NFAT5: variants seen among roughly 807,000 people sequenced by gnomAD.
NFAT5 encodes the protein nuclear factor of activated T cells 5.
NFAT5 carries 31 observed loss-of-function variants against 166.5 expected under a neutral mutation model. The ratio of observed to expected loss-of-function variants is 0.19; its 90% CI spans 0.14 to 0.25. NFAT5 has a LOEUF of 0.25. NFAT5 is among the 10% of genes least tolerant of loss of function. The pLI, the probability that NFAT5 is intolerant of heterozygous loss-of-function variation, is 1.00. For synonymous variants in NFAT5, 612 were observed against 639.7 expected, an observed-to-expected ratio of 0.96 and a Z score of 0.65; for missense variants, 1,449 against 1,821.8, an observed-to-expected ratio of 0.80 and a Z score of 3.72.
chr16:69,671,193 A>G (rs1248903576), intron 9 of NFAT5, among the ~76,000 whole-genome samples: 1 of 152,212 alleles, frequency 6.6e-6, no homozygotes, highest in Non-Finnish European at 1.5e-5. Flanking sequence ...GACTGTTGCC[A>G]CTTCATACAC....
chr16:69,655,935 A>T, intron 6 of NFAT5, 136 bp downstream of exon 6: 1 of 643,090 alleles, frequency 1.6e-6, no homozygotes, highest in Non-Finnish European at 2.5e-6. Flanking sequence ...AAAAGACATT[A>T]CTTCAGAATG....
At chr16:69,591,214 G>C (rs1233596790) in intron 2 of NFAT5, among the ~76,000 whole-genome samples, 1 of 152,166 alleles carries the variant, frequency 6.6e-6, no homozygotes, top group East Asian at 1.9e-4. Context: ...TTACAGGCAT[G>C]AGCCACTGTG....
At chr16:69,604,896 G>A (rs1042644639) in intron 2 of NFAT5, among the ~76,000 whole-genome samples, 2 of 152,094 alleles carry the variant, frequency 1.3e-5, no homozygotes, top group African/African-American at 4.8e-5. Context: ...TTATTCTTGT[G>A]GGGGAATACT....
At chr16:69,607,803 C>T (rs974541718) in intron 2 of NFAT5, among the ~76,000 whole-genome samples, 1 of 152,154 alleles carries the variant, frequency 6.6e-6, no homozygotes, top group Admixed American at 6.5e-5. Context: ...AAGAGATTCT[C>T]AATTTCTTTT....
At chr16:69,601,632 T>C (rs1026921033) in intron 2 of NFAT5, among the ~76,000 whole-genome samples, 1 of 152,204 alleles carries the variant, frequency 6.6e-6, no homozygotes, top group Non-Finnish European at 1.5e-5. Flanking sequence ...CCTTGGCCTC[T>C]CAAAGTTCTA....
Sources: gnomAD v4.1 joint callset for allele counts (sites outside exome capture counted in the v4.1 genomes callset) on GRCh38, gnomAD v4.1.1 for gene constraint, MANE v1.5 for transcripts, NCBI Gene and HGNC (gene_info 2026-07-23, HGNC 2026-07-21) for gene names.